The following SCUBE1 variants were observed in gnomAD, a reference collection of about 807,000 sequenced individuals.
SCUBE1 encodes signal peptide, CUB domain and EGF like domain containing 1.
Under a neutral mutation model 124.4 loss-of-function variants are expected in SCUBE1, and 59 were observed. The ratio of observed to expected loss-of-function variants is 0.47; its 90% confidence interval spans 0.38 to 0.59. The LOEUF is 0.59. Among genes scored for constraint, SCUBE1 ranks in the 20% least tolerant of loss-of-function variants. SCUBE1 has a pLI of 0.00. For missense variants in SCUBE1, 1,150 were observed against 1,371.2 expected (o/e 0.84, Z 2.55); for synonymous variants, 545 against 550.9 (o/e 0.99, Z 0.15).
chr22:43,220,876 A>G (rs539757189), intron 13 of SCUBE1, among the ~76,000 whole-genome samples: 22 of 152,298 alleles, frequency 1.4e-4, no homozygotes, highest in African/African-American at 5.3e-4. Context: ...TGGCCAGTGC[A>G]GACTCGGCTC....
chr22:43,212,767 G>A, intron 16 of SCUBE1, 175 bp from the exon 17 acceptor site: 1 of 647,828 alleles, frequency 1.5e-6, no homozygotes, highest in Admixed American at 3.0e-5. Context: ...GCAGGAAGCT[G>A]GGCCCTGGTC....
intron 4 of SCUBE1, among the ~76,000 whole-genome samples, chr22:43,268,111 G>A (rs1217049115): frequency 6.6e-6 from 1 of 152,212 alleles, no homozygotes; most frequent in East Asian, 1.9e-4. Context: ...TGCAGGCTGT[G>A]TCCACCGATG....
chr22:43,343,312 G>A lies in SCUBE1; in HGVS notation c.-51C>T. 2.1e-6 allele frequency: 2 copies of A among 938,456 alleles called. No homozygotes were observed. Among genetic ancestry groups the A allele is most frequent in the Non-Finnish European group, 2.6e-6 (2 of 767,560 alleles). The allele number at this position is 938,456 out of a possible 1,614,324, so 58.1% of individuals were successfully genotyped here. On this transcript the variant is annotated 5_prime_UTR_variant, in exon 1 of 22. Coordinates refer to ENST00000360835, the MANE Select transcript of SCUBE1 (RefSeq NM_173050.5). The stretch of plus-strand genomic sequence containing the variant: ...GCGGGCGTGCGGGGCGCGGGGACCC[G>A]ACCGACCGGCCGCTCCCGCAGGCGC...
At chr22:43,284,233 T>C (rs5759256) in intron 4 of SCUBE1, among the ~76,000 whole-genome samples, 51,758 of 152,206 alleles carry the variant, frequency 0.34, 9,126 homozygotes, top group South Asian at 0.45. Context: ...AACCATTTTC[T>C]GTCTCCGTAA....
intron 2 of SCUBE1, among the ~76,000 whole-genome samples, chr22:43,325,290 G>A (rs1894716): frequency 0.28 from 42,199 of 151,588 alleles, 6,172 homozygotes; most frequent in Non-Finnish European, 0.32. Flanking sequence ...AGTACTTCAT[G>A]CTCCTAGCCA....
intron 6 of SCUBE1, among the ~76,000 whole-genome samples, chr22:43,256,452 C>T (rs927250198): frequency 1.3e-5 from 2 of 151,790 alleles, no homozygotes; most frequent in African/African-American, 2.4e-5. Context: ...GAACAGTGGG[C>T]GAAGGCAGGT....
At position 43,218,304 on chromosome 22, in the gene SCUBE1, C is replaced by T. The variant is rs952993042; in HGVS notation, c.1842G>A (p.Glu614=). 1.9e-6 allele frequency: 3 copies of T among 1,613,268 alleles called. No homozygotes were observed. Among genetic ancestry groups the T allele is most frequent in the Non-Finnish European group, 2.5e-6 (3 of 1,180,036 alleles). ...EVAQRPAKAL[E]GQGACGAGQV... ...GGCCTGCGCCACATGCCCCCTGCCC[C>T]TCCAGCGCCTTGGCTGGCCTCTGGG... Residue 614 remains glutamate, a synonymous_variant, in exon 15 of 22, where the codon GAG becomes GAA. Transcript: ENST00000360835.
chr22:43,224,305 C>T (rs1922220495), intron 10 of SCUBE1, among the ~76,000 whole-genome samples: 1 of 152,254 alleles, frequency 6.6e-6, no homozygotes, highest in African/African-American at 2.4e-5. Context: ...CTCTCTCGTG[C>T]TGACTGCTTT....
In SCUBE1 at chr22:43,208,216, T is replaced by C. The variant is rs1472692442; in HGVS notation, c.2590A>G (p.Thr864Ala). ...CAGGTCTCATAGGTGGTGATGGACG[T>C]GGGAGAGGCTGCGGGTGAAGCATCA... ...VLVMRKSASPTSITTYETCQT... is the reference protein window; with the variant it reads ...VLVMRKSASPASITTYETCQT... Residue 864 changes from threonine to alanine, a missense_variant, in exon 20 of 22, where the codon ACG (threonine) becomes GCG (alanine). By Grantham distance (58) the Thr-to-Ala change is moderately conservative. This residue lies in a region of SCUBE1 where 757 missense variants were observed against 840.9 expected (regional missense o/e 0.90). Coordinates refer to ENST00000360835, the MANE Select transcript of SCUBE1 (RefSeq NM_173050.5). 1 of 1,613,960 alleles carries C rather than the reference T, an allele frequency of 6.2e-7. No homozygotes were observed.
At chr22:43,316,217 A>G (rs7292616) in intron 3 of SCUBE1, among the ~76,000 whole-genome samples, 5,276 of 152,254 alleles carry the variant, frequency 0.035, 268 homozygotes, top group African/African-American at 0.11. Flanking sequence ...CCATTTTTCA[A>G]GTGAGGAAAC....
chr22:43,339,017 A>G (rs775498017), intron 2 of SCUBE1, 87 bp downstream of exon 2: 152 of 1,490,228 alleles, frequency 1.0e-4, no homozygotes, highest in Admixed American at 1.2e-4. Context: ...GCTCAGCCCC[A>G]GCTGGTGATG....
intron 3 of SCUBE1, among the ~76,000 whole-genome samples, chr22:43,312,893 C>A (rs917026978): frequency 1.3e-5 from 2 of 152,148 alleles, no homozygotes; most frequent in African/African-American, 2.4e-5. Flanking sequence ...GGAGCTGGTG[C>A]AGTTCGGGCA....
At chr22:43,337,152 C>G (rs187803130) in intron 2 of SCUBE1, among the ~76,000 whole-genome samples, 13 of 152,310 alleles carry the variant, frequency 8.5e-5, no homozygotes, top group African/African-American at 2.9e-4. Context: ...ATTTCCTTTT[C>G]TAGCAGGTGA....
At chr22:43,225,219 C>T (rs1922255320) in intron 10 of SCUBE1, among the ~76,000 whole-genome samples, 1 of 151,990 alleles carries the variant, frequency 6.6e-6, no homozygotes, top group Admixed American at 6.6e-5. Context: ...CCATCTCCTA[C>T]ACAAGCAACT....
chr22:43,276,199 C>T (rs1208981315), intron 4 of SCUBE1, among the ~76,000 whole-genome samples: 11 of 152,158 alleles, frequency 7.2e-5, no homozygotes, highest in Admixed American at 5.2e-4. Context: ...CTGGGGTCCC[C>T]GTCTAGGGGA....
intron 4 of SCUBE1, among the ~76,000 whole-genome samples, chr22:43,274,161 C>T (rs916371345): frequency 5.9e-5 from 9 of 152,200 alleles, no homozygotes; most frequent in African/African-American, 2.2e-4. Context: ...GACTCACTCA[C>T]CTCCTGAGCT....
At position 43,200,999 on chromosome 22, in the gene SCUBE1, A is replaced by G. The variant is rs1920992188; in HGVS notation, c.*2998T>C. ...GGTTAAGAGCTCTTTCTGTTTCTGGAAAGGATTAAAAAAGAAAACCCTGGC... is the reference window on the plus strand; with the variant it reads ...GGTTAAGAGCTCTTTCTGTTTCTGGGAAGGATTAAAAAAGAAAACCCTGGC... On this transcript the variant is annotated 3_prime_UTR_variant, in exon 22 of 22. Transcript: ENST00000360835. 1 of 152,180 alleles carries G rather than the reference A, an allele frequency of 6.6e-6. No homozygotes were observed. The highest frequency in any genetic ancestry group is 6.5e-5 in the Admixed American group (1 of 15,286). 9.4% of individuals were successfully genotyped at this position (152,180 alleles called of 1,614,324 possible). A position where few individuals can be genotyped will look rare whatever the true frequency, so the allele number is the denominator to read the frequency against.
rs1370694632 is a variant in SCUBE1, at chr22:43,258,789, C to T, written c.611-454G>A. 3.9e-5 allele frequency among the ~76,000 whole-genome samples: 6 copies of T among 152,188 alleles called. No homozygotes were observed. The highest frequency in any genetic ancestry group is 5.9e-5 in the Non-Finnish European group (4 of 68,040). On this transcript the variant is annotated intron_variant, in intron 5 of 21. Transcript: ENST00000360835. This position sits in a 1 kb window ranked among gnomAD's most constrained non-coding sequence, Gnocchi z 5.0. ...GTGACCCTCATTTCCTTAGTTCTGG[C>T]AGAGCTTTCCTTCCTCTGCCTGTCT...
intron 4 of SCUBE1, among the ~76,000 whole-genome samples, chr22:43,284,329 C>T (rs554324151): frequency 4.6e-5 from 7 of 152,342 alleles, no homozygotes; most frequent in Admixed American, 3.9e-4. Flanking sequence ...AAGGGAAGTG[C>T]GTGCCACACT....
Sources: gnomAD v4.1 joint callset for allele counts (sites outside exome capture counted in the v4.1 genomes callset) on GRCh38, gnomAD v4.1.1 for gene constraint, gnomAD v4.1.1 regional missense constraint, Gnocchi (gnomAD v3.1) non-coding constraint, MANE v1.5 for transcripts, NCBI Gene and HGNC (gene_info 2026-07-23, HGNC 2026-07-21) for gene names.